Variants in ZCCHC14 observed in about 807,000 individuals in gnomAD.
The protein encoded by ZCCHC14 is zinc finger CCHC-type containing 14, also known as zinc finger CCHC domain-containing protein 14.
A neutral mutation model predicts 85.0 loss-of-function variants in ZCCHC14; 16 were observed. That is an observed-to-expected ratio of 0.19 (90% CI 0.13 to 0.29). ZCCHC14 has a LOEUF of 0.29. ZCCHC14 is among the 10% of genes least tolerant of loss of function. The probability of loss-of-function intolerance (pLI) is 1.00; values close to 1 mark genes in which losing one functional copy is unlikely to be tolerated. For synonymous variants in ZCCHC14, 775 were observed against 630.7 expected (o/e 1.23, Z -3.43); for missense variants, 1,303 against 1,443.5 (o/e 0.90, Z 1.58).
At chr16:87,436,866 C>T (rs1909949112) in intron 2 of ZCCHC14, among the ~76,000 whole-genome samples, 1 of 152,108 alleles carries the variant, frequency 6.6e-6, no homozygotes, top group Admixed American at 6.5e-5. Context: ...TGTACGGTGG[C>T]GAAGTGAAGA....
chr16:87,459,067 G>A (rs546379656), intron 2 of ZCCHC14, among the ~76,000 whole-genome samples: 4 of 152,298 alleles, frequency 2.6e-5, no homozygotes, highest in African/African-American at 4.8e-5. Context: ...ATCATAACAC[G>A]GCAGAGGCTG....
intron 3 of ZCCHC14, among the ~76,000 whole-genome samples, chr16:87,430,656 G>T (rs1291446717): frequency 1.3e-5 from 2 of 151,868 alleles, no homozygotes; most frequent in African/African-American, 4.8e-5. Flanking sequence ...CGAGTAGCTG[G>T]GACTACGGGT....
At chr16:87,473,580 A>C (rs994741946) in intron 1 of ZCCHC14, 36 of 152,234 alleles carry the variant, frequency 2.4e-4, no homozygotes, top group African/African-American at 8.4e-4. Flanking sequence ...GAATATGCTT[A>C]AATACTGGGG....
At chr16:87,474,471 G>T (rs1311356955) in intron 1 of ZCCHC14, 1 of 152,202 alleles carries the variant, frequency 6.6e-6, no homozygotes, top group Non-Finnish European at 1.5e-5. Flanking sequence ...ATATAAAACA[G>T]GTGGTTCTAC....
intron 2 of ZCCHC14, among the ~76,000 whole-genome samples, chr16:87,453,314 A>G (rs1313737744): frequency 6.6e-6 from 1 of 152,242 alleles, no homozygotes; most frequent in Non-Finnish European, 1.5e-5. Context: ...GGGGAAAAAA[A>G]TGTATTTACA....
chr16:87,424,664 G>A (rs1909277567), intron 3 of ZCCHC14, among the ~76,000 whole-genome samples: 1 of 152,138 alleles, frequency 6.6e-6, no homozygotes, highest in African/African-American at 2.4e-5. Flanking sequence ...CACATGAGGT[G>A]CTAAACAAAG....
rs751348139 is a variant in ZCCHC14, at chr16:87,411,453, C to G, written c.3205+63G>C. On this transcript the variant is annotated intron_variant, in intron 12 of 12. Transcript: ENST00000671377. ...GAAAGAAGTTTACTCTTCATAAAAA[C>G]CAAGCATTTGTGTGCACTGGTCCTG... 3 of 1,567,426 alleles carry G rather than the reference C, an allele frequency of 1.9e-6. No homozygotes were observed. The South Asian group carries it at 3.5e-5, about 18-fold the overall frequency.
chr16:87,457,119 C>A (rs993184274), intron 2 of ZCCHC14, among the ~76,000 whole-genome samples: 2 of 152,182 alleles, frequency 1.3e-5, no homozygotes, highest in Non-Finnish European at 2.9e-5. Context: ...GCTCAGAAGC[C>A]ACACACAGTG....
intron 10 of ZCCHC14, among the ~76,000 whole-genome samples, chr16:87,414,015 G>T (rs182456445): frequency 1.1e-4 from 17 of 152,336 alleles, no homozygotes; most frequent in African/African-American, 3.8e-4. Context: ...TGAGTATAAA[G>T]ATTTAAAAAT....
At chr16:87,455,552 C>T (rs776479006) in intron 2 of ZCCHC14, among the ~76,000 whole-genome samples, 8 of 152,206 alleles carry the variant, frequency 5.3e-5, no homozygotes, top group Non-Finnish European at 1.0e-4. Flanking sequence ...GAACTTGACT[C>T]CTCCTGTGTC....
At chr16:87,450,463 G>GT (rs1910643079) in intron 2 of ZCCHC14, among the ~76,000 whole-genome samples, 1 of 151,392 alleles carries the variant, frequency 6.6e-6, no homozygotes, top group African/African-American at 2.4e-5. Context: ...TTTTTCTTTG[G>GT]TTTTTTATTA....
chr16:87,445,452 T>C (rs1567526309), intron 2 of ZCCHC14, among the ~76,000 whole-genome samples: 1 of 152,234 alleles, frequency 6.6e-6, no homozygotes. Context: ...CTTATTTTTT[T>C]CATTGGAGAG....
intron 3 of ZCCHC14, among the ~76,000 whole-genome samples, chr16:87,426,613 C>A (rs552191725): frequency 5.9e-5 from 9 of 152,278 alleles, no homozygotes; most frequent in East Asian, 3.9e-4. Flanking sequence ...TGGAGCCATG[C>A]GGCCTCATTC....
chr16:87,453,378 G>A (rs1250432979), intron 2 of ZCCHC14, among the ~76,000 whole-genome samples: 1 of 152,252 alleles, frequency 6.6e-6, no homozygotes, highest in African/African-American at 2.4e-5. Flanking sequence ...GGCAGAACCT[G>A]GAGGAAGGCC....
intron 4 of ZCCHC14, among the ~76,000 whole-genome samples, chr16:87,423,047 G>C (rs1182974827): frequency 6.6e-6 from 1 of 152,208 alleles, no homozygotes; most frequent in African/African-American, 2.4e-5. Context: ...ATAATGAAAA[G>C]TAAGGCTCTC....
chr16:87,417,960 G>T, intron 7 of ZCCHC14: 1 of 569,312 alleles, frequency 1.8e-6, no homozygotes, highest in Non-Finnish European at 3.1e-6. Context: ...GCATGTCTGT[G>T]CACACGTGTG....
chr16:87,412,965 G>C lies in ZCCHC14; in HGVS notation c.1756C>G (p.His586Asp), dbSNP rs1427879659. The C allele has an allele frequency of 2.5e-6, 4 of 1,611,118 alleles. No individual in the cohort carries two copies. The highest frequency in any genetic ancestry group is 2.2e-5 in the East Asian group (1 of 44,848). ...TTCTCCTTGTCAGAGCTCTCCAAGT[G>C]AATCTCCACACCTAGAGAGGGAAAC... ...AEENDRRVEIHLESSDKEKPV... is the reference protein window; with the variant it reads ...AEENDRRVEIDLESSDKEKPV... Residue 586 changes from histidine (H) to aspartate (D), a missense_variant, in exon 12 of 13, where the codon CAC becomes GAC. His to Asp is a moderately conservative substitution (Grantham distance 81). Transcript: ENST00000671377.
rs1912807651 is a variant in ZCCHC14 at position 87,492,358 on chromosome 16, C to T, written c.-120G>A. 1.8e-5 allele frequency: 3 copies of T among 170,146 alleles called. No individual in the cohort carries two copies. The highest frequency in any genetic ancestry group is 3.9e-4 in the South Asian group (2 of 5,118). 10.5% of individuals were successfully genotyped at this position (170,146 alleles called of 1,614,324 possible). On this transcript the variant is annotated 5_prime_UTR_variant, in exon 1 of 13. Coordinates refer to ENST00000671377, the MANE Select transcript of ZCCHC14 (RefSeq NM_015144.3). This position sits in a 1 kb window ranked among gnomAD's most constrained non-coding sequence, Gnocchi z 6.7. ...GGGACGCGCGGGCCGGGGCCGGGTC[C>T]GGGCGAGGGCGCGCGGGCGCCGCGG...
chr16:87,475,552 TAAAAAAAAAAAA>T (rs35771945), intron 1 of ZCCHC14, among the ~76,000 whole-genome samples: 2 of 91,472 alleles, frequency 2.2e-5, no homozygotes, highest in African/African-American at 8.9e-5. Flanking sequence ...GACTCTGTCT[TAAAAAAAAAAAA>T]AAAAAAAAAA....
Sources: allele counts gnomAD v4.1 joint callset (sites outside exome capture counted in the v4.1 genomes callset), GRCh38; gene constraint gnomAD v4.1.1; non-coding constraint Gnocchi (gnomAD v3.1); transcripts MANE v1.5; gene names NCBI Gene and HGNC (gene_info 2026-07-23, HGNC 2026-07-21).